The following DLG2 variants were observed in gnomAD, a reference collection of about 807,000 sequenced individuals.
The protein encoded by DLG2 is discs large MAGUK scaffold protein 2.
In DLG2, 45 loss-of-function variants were observed where a neutral mutation model predicts 132.5. That is an observed-to-expected ratio of 0.34 (90% CI 0.27 to 0.44). DLG2 has a LOEUF of 0.44. Ranked by LOEUF, DLG2 falls within the 20% of genes least tolerant of loss-of-function variation. DLG2 has a pLI of 1.00. For missense variants in DLG2, 1,045 were observed against 1,196.9 expected (o/e 0.87, Z 1.87); for synonymous variants, 424 against 419.6 (o/e 1.01, Z -0.13).
chr11:83,751,485 A>G (rs1353210349), intron 18 of DLG2, among the ~76,000 whole-genome samples: 3 of 152,218 alleles, frequency 2.0e-5, no homozygotes, highest in Admixed American at 6.5e-5. Flanking sequence ...GAAAGAACAT[A>G]ACCAAGGTGA....
intron 11 of DLG2, among the ~76,000 whole-genome samples, chr11:84,018,083 G>T (rs375245461): frequency 1.3e-5 from 2 of 151,712 alleles, no homozygotes; most frequent in African/African-American, 4.8e-5. Context: ...GTATGTTAAC[G>T]TTTTTGATTA....
At chr11:84,178,652 A>G (rs1422641148) in intron 8 of DLG2, among the ~76,000 whole-genome samples, 1 of 151,952 alleles carries the variant, frequency 6.6e-6, no homozygotes, top group African/African-American at 2.4e-5. Context: ...TTTCAGCATA[A>G]CCTCTCACCA....
chr11:85,545,252 G>C (rs559755688), intron 3 of DLG2, among the ~76,000 whole-genome samples: 3 of 152,220 alleles, frequency 2.0e-5, no homozygotes, highest in South Asian at 2.1e-4. Context: ...ACAATCATGT[G>C]ATTTTGTCAT....
In DLG2 at chr11:84,278,521, A is replaced by G. The variant is rs80322269; in HGVS notation, c.520-27230T>C. Reference sequence around the variant, plus strand: ...TACCCTAATCCCAAACCAGATGAAGATATTACAAGAAAAGCTAATATCAAT... The same window carrying G: ...TACCCTAATCCCAAACCAGATGAAGGTATTACAAGAAAAGCTAATATCAAT... On this transcript the variant is annotated intron_variant, in intron 7 of 27. Transcript: ENST00000376104. Among the ~76,000 whole-genome samples the G allele has an allele frequency of 5.6e-3, 846 of 152,212 alleles. 8 individuals are homozygous for G. Among genetic ancestry groups the G allele is most frequent in the Non-Finnish European group, 9.7e-3 (657 of 68,018 alleles).
chr11:85,052,886 T>G (rs2063038673), intron 6 of DLG2, among the ~76,000 whole-genome samples: 1 of 152,212 alleles, frequency 6.6e-6, no homozygotes, highest in Non-Finnish European at 1.5e-5. Context: ...GTTCTGTGTT[T>G]AGTCATCTTT....
At chr11:84,480,988 C>A (rs929494753) in intron 7 of DLG2, among the ~76,000 whole-genome samples, 1 of 151,946 alleles carries the variant, frequency 6.6e-6, no homozygotes, top group African/African-American at 2.4e-5. Flanking sequence ...GTCTGCCCAC[C>A]TCGGCCTCCC....
intron 8 of DLG2, among the ~76,000 whole-genome samples, chr11:84,243,521 A>C (rs973489207): frequency 6.6e-6 from 1 of 152,232 alleles, no homozygotes; most frequent in Non-Finnish European, 1.5e-5. Context: ...TCCAAACCAA[A>C]AAATAAGTTT....
At chr11:85,130,273 T>C (rs964249493) in intron 5 of DLG2, among the ~76,000 whole-genome samples, 8 of 152,292 alleles carry the variant, frequency 5.3e-5, no homozygotes, top group East Asian at 1.9e-4. Flanking sequence ...TTATATTTTC[T>C]AGATTTATCA....
At chr11:85,153,083 C>T (rs1293691660) in intron 5 of DLG2, among the ~76,000 whole-genome samples, 2 of 152,100 alleles carry the variant, frequency 1.3e-5, no homozygotes, top group African/African-American at 4.8e-5. Context: ...CCATTTCATC[C>T]TCTTTATATT....
chr11:84,135,436 C>T (rs1364569343), intron 9 of DLG2, among the ~76,000 whole-genome samples: 1 of 151,998 alleles, frequency 6.6e-6, no homozygotes, highest in African/African-American at 2.4e-5. Flanking sequence ...AAGTACTGGA[C>T]AGGGGTCAGT....
chr11:84,477,759 T>C (rs771561060), intron 7 of DLG2, among the ~76,000 whole-genome samples: 3 of 152,178 alleles, frequency 2.0e-5, no homozygotes, highest in Non-Finnish European at 2.9e-5. Context: ...AATATGAACA[T>C]TGTCATGTTA....
chr11:83,881,037 T>C (rs985555308), intron 15 of DLG2, among the ~76,000 whole-genome samples: 1 of 57,796 alleles, frequency 1.7e-5, no homozygotes, highest in African/African-American at 8.7e-5. Flanking sequence ...AGTGGTTTTT[T>C]CCATTTTTTT....
Position 83,926,254 on chromosome 11 carries a change from C to A in DLG2, c.1496+4074G>T, listed in dbSNP as rs965774931. ...AGAAGACTGACTCAGGTTGCTTTTG[C>A]TGACTAACCTTTATTCTTCTAAATG... On this transcript the variant is annotated intron_variant, in intron 15 of 27. Coordinates refer to ENST00000376104, the MANE Select transcript of DLG2 (RefSeq NM_001142699.3). Among the ~76,000 whole-genome samples, 3 of 152,280 alleles carry A rather than the reference C, an allele frequency of 2.0e-5. No homozygotes were observed. The East Asian group carries it at 5.8e-4, about 29-fold the overall frequency.
chr11:83,769,717 C>T (rs1317223128), intron 18 of DLG2, among the ~76,000 whole-genome samples: 5 of 152,092 alleles, frequency 3.3e-5, no homozygotes, highest in African/African-American at 1.2e-4. Flanking sequence ...GCGCCCACCA[C>T]TACGCCTGGC....
intron 17 of DLG2, among the ~76,000 whole-genome samples, chr11:83,831,548 G>C (rs2054521778): frequency 6.6e-6 from 1 of 152,072 alleles, no homozygotes; most frequent in Non-Finnish European, 1.5e-5. Flanking sequence ...GAGAGAGAGA[G>C]AGAGAGAAAG....
rs537113835 is a variant in DLG2, at chr11:85,132,028, AG to A, written c.283-20294del. Among the ~76,000 whole-genome samples, 360 of 152,302 alleles carry A rather than the reference AG, an allele frequency of 2.4e-3. 2 individuals carry two copies. Among genetic ancestry groups the A allele is most frequent in the African/African-American group, 8.3e-3 (347 of 41,582 alleles). On this transcript the variant is annotated intron_variant, in intron 5 of 27. Coordinates refer to ENST00000376104, the MANE Select transcript of DLG2 (RefSeq NM_001142699.3). ...ATTAGGAATATCTATTCAAATAATCAGTGATTATAAAATTTAAATACATTAT... is the reference window on the plus strand; with the variant it reads ...ATTAGGAATATCTATTCAAATAATCATGATTATAAAATTTAAATACATTAT...
intron 9 of DLG2, among the ~76,000 whole-genome samples, chr11:84,123,015 A>G (rs1366416305): frequency 6.6e-6 from 1 of 151,686 alleles, no homozygotes; most frequent in African/African-American, 2.4e-5. Context: ...AAAATATTGG[A>G]AAAAAAACCC....
chr11:83,456,654 CA>C lies in DLG2; in HGVS notation c.*3163del, dbSNP rs11373712. Reference sequence around the variant, plus strand: ...AGGAGGAATAGGAAAAGGAGAGGAACAAAAAAAAAAAGAGATGGAATTAGTC... The same window carrying C: ...AGGAGGAATAGGAAAAGGAGAGGAACAAAAAAAAAAGAGATGGAATTAGTC... On this transcript the variant is annotated 3_prime_UTR_variant, in exon 28 of 28. Coordinates refer to ENST00000376104, the MANE Select transcript of DLG2 (RefSeq NM_001142699.3). 4,533 of 142,948 alleles carry C rather than the reference CA, an allele frequency of 0.032. 199 individuals are homozygous for C. The highest frequency in any genetic ancestry group is 0.099 in the African/African-American group (3,853 of 38,934). The allele number at this position is 142,948 out of a possible 1,614,324, so 8.9% of individuals were successfully genotyped here. A position where few individuals can be genotyped will look rare whatever the true frequency, so the allele number is the denominator to read the frequency against.
At chr11:85,421,163 C>T (rs1277565176) in intron 3 of DLG2, among the ~76,000 whole-genome samples, 7 of 152,082 alleles carry the variant, frequency 4.6e-5, no homozygotes, top group South Asian at 2.1e-4. Flanking sequence ...GTATCGGAGC[C>T]GGAGTGTACC....
Sources: gnomAD v4.1 joint callset for allele counts (sites outside exome capture counted in the v4.1 genomes callset) on GRCh38, gnomAD v4.1.1 for gene constraint, MANE v1.5 for transcripts, NCBI Gene and HGNC (gene_info 2026-07-23, HGNC 2026-07-21) for gene names.